Variants in PRKCE observed in about 807,000 individuals in gnomAD.
PRKCE encodes protein kinase C epsilon type.
In PRKCE, 16 loss-of-function variants were observed where a neutral mutation model predicts 85.4. The observed-to-expected ratio is 0.19, with a 90% CI of 0.13 to 0.28. PRKCE has a LOEUF of 0.28. PRKCE is among the 10% of genes least tolerant of loss of function. The probability of loss-of-function intolerance (pLI) is 1.00; values close to 1 mark genes in which losing one functional copy is unlikely to be tolerated. For synonymous variants in PRKCE, 388 were observed against 371.5 expected (o/e 1.04, Z -0.51); for missense variants, 573 against 975.2 (o/e 0.59, Z 5.49).
chr2:45,690,018 T>A (rs1233689409), intron 1 of PRKCE, among the ~76,000 whole-genome samples: 4 of 152,200 alleles, frequency 2.6e-5, no homozygotes, highest in African/African-American at 7.2e-5. Context: ...TATAAACTTA[T>A]GCATATGTCT....
At chr2:45,832,719 G>A (rs1468986566) in intron 1 of PRKCE, among the ~76,000 whole-genome samples, 1 of 152,270 alleles carries the variant, frequency 6.6e-6, no homozygotes, top group East Asian at 1.9e-4. Flanking sequence ...AGCCTGCCAG[G>A]CCTCAAGGTA....
At chr2:46,108,397 A>T (rs7574671) in intron 11 of PRKCE, among the ~76,000 whole-genome samples, 4 of 151,970 alleles carry the variant, frequency 2.6e-5, no homozygotes, top group Admixed American at 6.5e-5. Context: ...AAGTGAAACA[A>T]CTCAGACACA....
intron 2 of PRKCE, among the ~76,000 whole-genome samples, chr2:45,901,175 T>C (rs1696551688): frequency 1.3e-5 from 2 of 152,200 alleles, no homozygotes; most frequent in African/African-American, 2.4e-5. Context: ...TCATTGAGAT[T>C]TGAGATGCAG....
chr2:46,147,404 G>T (rs1676176895), intron 12 of PRKCE, among the ~76,000 whole-genome samples: 1 of 152,132 alleles, frequency 6.6e-6, no homozygotes, highest in Admixed American at 6.5e-5. Flanking sequence ...ACAGTTGACA[G>T]CCCATGTTAT....
rs933573629 is a variant in PRKCE at position 45,719,369 on chromosome 2, T to C, written c.348+66921T>C. 5.3e-5 allele frequency among the ~76,000 whole-genome samples: 8 copies of C among 152,374 alleles called. No individual in the cohort carries two copies. In the South Asian group the frequency reaches 1.4e-3, roughly 28 times the overall value. ...AGTTTTATTCTGAGAGAGCAAACTA[T>C]GTTTCTTAACTTTTTTTATTCCCCC... is the stretch of plus-strand genomic sequence containing the variant. On this transcript the variant is annotated intron_variant, in intron 1 of 14. Coordinates refer to ENST00000306156, the MANE Select transcript of PRKCE (RefSeq NM_005400.3).
intron 10 of PRKCE, among the ~76,000 whole-genome samples, chr2:46,051,817 C>T (rs1433638850): frequency 3.9e-5 from 6 of 152,166 alleles, no homozygotes; most frequent in East Asian, 1.9e-4. Flanking sequence ...CAAAGTTCCA[C>T]GCGGCTGGGG....
chr2:45,874,120 G>A (rs761641645), intron 2 of PRKCE, among the ~76,000 whole-genome samples: 1 of 152,228 alleles, frequency 6.6e-6, no homozygotes, highest in Non-Finnish European at 1.5e-5. Context: ...GTCAACACAA[G>A]TTCTATGAAG....
intron 1 of PRKCE, among the ~76,000 whole-genome samples, chr2:45,835,422 G>A (rs1690778739): frequency 6.6e-6 from 1 of 152,088 alleles, no homozygotes; most frequent in African/African-American, 2.4e-5. Flanking sequence ...TGTGTCTCCT[G>A]GCATTCACTG....
chr2:46,054,762 G>A (rs980172866), intron 10 of PRKCE, among the ~76,000 whole-genome samples: 1 of 152,148 alleles, frequency 6.6e-6, no homozygotes, highest in Admixed American at 6.5e-5. Context: ...CCACTCCAAT[G>A]TTGCCTTTTC....
chr2:45,744,549 TCTTCCTTCCTTC>T lies in PRKCE; in HGVS notation c.348+92117_348+92128del, dbSNP rs769313874. On this transcript the variant is annotated intron_variant, in intron 1 of 14. Coordinates refer to ENST00000306156, the MANE Select transcript of PRKCE (RefSeq NM_005400.3). ...CTTTTTCTTTCCTTCTTTCTTTCTT[TCTTCCTTCCTTC>T]CTTCCTTCCTTCCTTTCTTTTTCTT... Among the ~76,000 whole-genome samples the T allele has an allele frequency of 1.2e-4, 10 of 84,144 alleles. 1 individual carries two copies. The highest frequency in any genetic ancestry group is 5.7e-4 in the Admixed American group (5 of 8,836). The allele number at this position is 84,144 out of a possible 152,430, so 55.2% of individuals were successfully genotyped here. A position where few individuals can be genotyped will look rare whatever the true frequency, so the allele number is the denominator to read the frequency against.
chr2:46,183,048 T>C (rs1040018775), intron 14 of PRKCE, among the ~76,000 whole-genome samples: 6 of 152,220 alleles, frequency 3.9e-5, no homozygotes, highest in Non-Finnish European at 7.3e-5. Flanking sequence ...GATCAGGATG[T>C]TACCAGCCTG....
chr2:45,789,712 A>G (rs1686889848), intron 1 of PRKCE, among the ~76,000 whole-genome samples: 1 of 152,210 alleles, frequency 6.6e-6, no homozygotes, highest in African/African-American at 2.4e-5. Flanking sequence ...AAGAGCTAGG[A>G]ATCATTTGAA....
At chr2:45,938,496 G>A (rs1699639704) in intron 2 of PRKCE, among the ~76,000 whole-genome samples, 1 of 152,148 alleles carries the variant, frequency 6.6e-6, no homozygotes, top group African/African-American at 2.4e-5. Context: ...TCCACCTTGT[G>A]TCTGTGATTG....
intron 1 of PRKCE, among the ~76,000 whole-genome samples, chr2:45,818,572 CT>C: frequency 6.6e-6 from 1 of 152,320 alleles, no homozygotes; most frequent in South Asian, 2.1e-4. Context: ...AGATTCAACC[CT>C]TCTACCCTCC....
At chr2:45,727,189 T>C (rs1212857670) in intron 1 of PRKCE, among the ~76,000 whole-genome samples, 2 of 152,116 alleles carry the variant, frequency 1.3e-5, no homozygotes, top group Admixed American at 1.3e-4. Context: ...TTCTCCGGAG[T>C]AGAAAACTGT....
intron 1 of PRKCE, among the ~76,000 whole-genome samples, chr2:45,830,050 G>A (rs566730648): frequency 1.5e-5 from 2 of 137,248 alleles, no homozygotes; most frequent in East Asian, 4.1e-4. Flanking sequence ...TCCAGCCTGG[G>A]CGACAGAGCG....
At chr2:46,130,307 C>T (rs4953319) in intron 11 of PRKCE, among the ~76,000 whole-genome samples, 6,402 of 151,802 alleles carry the variant, frequency 0.042, 180 homozygotes, top group East Asian at 0.11. Flanking sequence ...AATATGCATA[C>T]ATGAATATAC....
At chr2:45,983,070 A>T (rs778417255) in intron 5 of PRKCE, among the ~76,000 whole-genome samples, 1 of 152,234 alleles carries the variant, frequency 6.6e-6, no homozygotes, top group Non-Finnish European at 1.5e-5. Flanking sequence ...CTAGGCATCT[A>T]AGAATGGGTG....
intron 2 of PRKCE, among the ~76,000 whole-genome samples, chr2:45,855,532 C>T (rs945939571): frequency 2.6e-5 from 4 of 152,188 alleles, no homozygotes; most frequent in African/African-American, 9.6e-5. Flanking sequence ...TCTCGTGTAG[C>T]TGCACATGTG....
Sources: gnomAD v4.1 joint callset for allele counts (sites outside exome capture counted in the v4.1 genomes callset) on GRCh38, gnomAD v4.1.1 for gene constraint, MANE v1.5 for transcripts, NCBI Gene and HGNC (gene_info 2026-07-23, HGNC 2026-07-21) for gene names.